ZNRF1: variants seen among roughly 807,000 people sequenced by gnomAD.
The protein encoded by ZNRF1 is zinc and ring finger 1.
A neutral mutation model predicts 18.4 loss-of-function variants in ZNRF1; 3 were observed. That is an observed-to-expected ratio of 0.16 (90% CI 0.07 to 0.42). ZNRF1 has a LOEUF of 0.42. ZNRF1 is among the 10% of genes least tolerant of loss of function. ZNRF1 has a pLI of 0.99. For synonymous variants in ZNRF1, 157 were observed against 144.2 expected, an observed-to-expected ratio of 1.09 and a Z score of -0.64; for missense variants, 310 against 329.8, an observed-to-expected ratio of 0.94 and a Z score of 0.47.
rs1405991737 is a variant in ZNRF1 at position 75,107,893 on chromosome 16, GAGA to G, written c.*198_*200del. 1.8e-5 allele frequency: 8 copies of G among 433,968 alleles called. No homozygotes were observed. The highest frequency in any genetic ancestry group is 3.8e-5 in the Non-Finnish European group (8 of 211,838). The allele number at this position is 433,968 out of a possible 1,614,324, so 26.9% of individuals were successfully genotyped here. A position where few individuals can be genotyped will look rare whatever the true frequency, so the allele number is the denominator to read the frequency against. ...CCAAATTGGATGAGAGCAAGTTTGA[GAGA>G]AGAATGAATCAACTGCTATCCTTCC... On this transcript the variant is annotated 3_prime_UTR_variant, in exon 5 of 5. Transcript: ENST00000335325.
At chr16:75,034,367 CAT>C (rs2035349924) in intron 1 of ZNRF1, among the ~76,000 whole-genome samples, 2 of 152,164 alleles carry the variant, frequency 1.3e-5, no homozygotes, top group African/African-American at 4.8e-5. Flanking sequence ...CTTAATAACT[CAT>C]ATAAGCAAAA....
chr16:75,069,633 C>CA (rs2035846254), intron 1 of ZNRF1, among the ~76,000 whole-genome samples: 1 of 152,162 alleles, frequency 6.6e-6, no homozygotes, highest in East Asian at 1.9e-4. Flanking sequence ...AGGCTGGTCT[C>CA]AAACTCCTGA....
chr16:75,054,890 T>A (rs2035649053), intron 1 of ZNRF1, among the ~76,000 whole-genome samples: 1 of 152,192 alleles, frequency 6.6e-6, no homozygotes, highest in Non-Finnish European at 1.5e-5. Context: ...TTCTTACAGG[T>A]CAAGTCCAAA....
In ZNRF1 at chr16:75,086,143, C is replaced by T. The variant is rs116635000; in HGVS notation, c.425-7429C>T. Among the ~76,000 whole-genome samples, 1,196 of 152,168 alleles carry T rather than the reference C, an allele frequency of 7.9e-3. 25 individuals carry two copies. Among genetic ancestry groups the T allele is most frequent in the African/African-American group, 0.027 (1,121 of 41,498 alleles). On this transcript the variant is annotated intron_variant, in intron 1 of 4. Coordinates refer to ENST00000335325, the MANE Select transcript of ZNRF1 (RefSeq NM_032268.5). ...CCTGCTCACCTTGGGGAGGGCGGTCCGCTTCACTCAGTCTATGGTTTCAAA... is the reference window on the plus strand; with the variant it reads ...CCTGCTCACCTTGGGGAGGGCGGTCTGCTTCACTCAGTCTATGGTTTCAAA...
intron 1 of ZNRF1, among the ~76,000 whole-genome samples, chr16:75,023,152 C>T (rs1204769396): frequency 6.6e-6 from 1 of 152,130 alleles, no homozygotes; most frequent in East Asian, 1.9e-4. Flanking sequence ...AGAAAAACAG[C>T]TTAAGTTCTT....
At chr16:75,030,621 A>G (rs980592049) in intron 1 of ZNRF1, among the ~76,000 whole-genome samples, 2 of 152,074 alleles carry the variant, frequency 1.3e-5, no homozygotes, top group Admixed American at 6.6e-5. Flanking sequence ...CCAAAAAGAA[A>G]CCCCATAACC....
chr16:75,073,724 C>A (rs1382485806), intron 1 of ZNRF1, among the ~76,000 whole-genome samples: 1 of 152,082 alleles, frequency 6.6e-6, no homozygotes, highest in Non-Finnish European at 1.5e-5. Context: ...CATGTACATG[C>A]TCTGCGGGGA....
intron 1 of ZNRF1, among the ~76,000 whole-genome samples, chr16:75,004,086 A>G (rs896826667): frequency 6.6e-6 from 1 of 151,748 alleles, no homozygotes; most frequent in Non-Finnish European, 1.5e-5. Context: ...TTGGCTTCCC[A>G]AAGTGCTGGG....
chr16:75,026,436 A>G (rs2035225490), intron 1 of ZNRF1, among the ~76,000 whole-genome samples: 1 of 152,120 alleles, frequency 6.6e-6, no homozygotes, highest in East Asian at 1.9e-4. Flanking sequence ...ATGACGTGTC[A>G]TTTCCTTCAT....
chr16:75,079,415 G>A (rs1171227184), intron 1 of ZNRF1, among the ~76,000 whole-genome samples: 3 of 152,338 alleles, frequency 2.0e-5, no homozygotes, highest in African/African-American at 7.2e-5. Context: ...GGGAAGCAGA[G>A]GTTGCGGGGA....
chr16:75,011,849 A>C (rs1386062770), intron 1 of ZNRF1, among the ~76,000 whole-genome samples: 1 of 152,200 alleles, frequency 6.6e-6, no homozygotes, highest in East Asian at 1.9e-4. Context: ...AAATGTCTCC[A>C]GTTTTTTGAG....
At chr16:75,022,848 C>T (rs992893124) in intron 1 of ZNRF1, among the ~76,000 whole-genome samples, 1 of 152,154 alleles carries the variant, frequency 6.6e-6, no homozygotes, top group African/African-American at 2.4e-5. Flanking sequence ...AGTGAACTTG[C>T]CCTTGTGCTG....
chr16:75,104,635 A>G (rs992241627), intron 2 of ZNRF1, 149 bp from the exon 3 acceptor site: 8 of 601,104 alleles, frequency 1.3e-5, no homozygotes, highest in Middle Eastern at 4.5e-4. Context: ...CTTAAGGTCA[A>G]CGTCCCTCTT....
intron 1 of ZNRF1, among the ~76,000 whole-genome samples, chr16:75,082,960 C>A (rs920823512): frequency 6.6e-6 from 1 of 152,218 alleles, no homozygotes. Context: ...ACAGACACTT[C>A]ACCATGTAAC....
intron 2 of ZNRF1, among the ~76,000 whole-genome samples, chr16:75,099,731 T>C (rs1392031267): frequency 6.6e-6 from 1 of 152,170 alleles, no homozygotes; most frequent in Non-Finnish European, 1.5e-5. Context: ...CAGCAGAGTC[T>C]CAGTTTGTGT....
At chr16:75,054,897 C>T (rs1485214276) in intron 1 of ZNRF1, among the ~76,000 whole-genome samples, 1 of 152,216 alleles carries the variant, frequency 6.6e-6, no homozygotes, top group Non-Finnish European at 1.5e-5. Context: ...AGGTCAAGTC[C>T]AAACAGGAGG....
intron 1 of ZNRF1, among the ~76,000 whole-genome samples, chr16:75,089,962 T>C (rs1322691706): frequency 2.0e-5 from 3 of 152,210 alleles, no homozygotes; most frequent in African/African-American, 7.2e-5. Context: ...TGTAGTTTTG[T>C]TCTTAGTCAC....
At chr16:75,073,510 GGT>G in intron 1 of ZNRF1, among the ~76,000 whole-genome samples, 1 of 151,892 alleles carries the variant, frequency 6.6e-6, no homozygotes, top group South Asian at 2.1e-4. Context: ...TTGGTGTATT[GGT>G]TTAATTTTTC....
At chr16:75,000,169 G>C (rs1000449373) in intron 1 of ZNRF1, 74 bp downstream of exon 1, 1 of 1,547,126 alleles carries the variant, frequency 6.5e-7, no homozygotes, top group African/African-American at 1.4e-5. Flanking sequence ...TGCGTGCCAA[G>C]GTTTGGGAAT....
Sources: allele counts gnomAD v4.1 joint callset (sites outside exome capture counted in the v4.1 genomes callset), GRCh38; gene constraint gnomAD v4.1.1; transcripts MANE v1.5; gene names NCBI Gene and HGNC (gene_info 2026-07-23, HGNC 2026-07-21).